Variants in PCMTD1 observed in about 807,000 individuals in gnomAD.
The protein encoded by PCMTD1 is protein-L-isoaspartate O-methyltransferase domain-containing protein 1.
Under a neutral mutation model 37.6 loss-of-function variants are expected in PCMTD1, and 12 were observed. The ratio of observed to expected loss-of-function variants is 0.32; its 90% CI spans 0.20 to 0.52. The LOEUF (loss-of-function observed/expected upper bound fraction) is 0.52, where lower values mean the gene tolerates loss of function less well. Among genes scored for constraint, PCMTD1 ranks in the 20% least tolerant of loss-of-function variants. The pLI, the probability that PCMTD1 is intolerant of heterozygous loss-of-function variation, is 0.97. For missense variants in PCMTD1, 235 were observed against 421.3 expected, an observed-to-expected ratio of 0.56 and a Z score of 3.87; for synonymous variants, 117 against 135.8, an observed-to-expected ratio of 0.86 and a Z score of 0.96.
chr8:51,873,675 T>TA (rs1373906138), intron 1 of PCMTD1, among the ~76,000 whole-genome samples: 2 of 152,096 alleles, frequency 1.3e-5, no homozygotes, highest in African/African-American at 4.8e-5. Context: ...TCTCCTGCGA[T>TA]ACGGTATTTT....
At chr8:51,837,376 T>C (rs1334906088) in intron 3 of PCMTD1, among the ~76,000 whole-genome samples, 1 of 152,104 alleles carries the variant, frequency 6.6e-6, no homozygotes, top group Non-Finnish European at 1.5e-5. Flanking sequence ...AAAAGGGATA[T>C]ACTATTACTA....
At chr8:51,854,315 C>A (rs898087334) in intron 2 of PCMTD1, among the ~76,000 whole-genome samples, 1 of 151,546 alleles carries the variant, frequency 6.6e-6, no homozygotes, top group East Asian at 1.9e-4. Context: ...GAGTTAGCAG[C>A]AATAAAAGAG....
chr8:51,849,193 T>C (rs1254318989), intron 2 of PCMTD1: 2 of 152,284 alleles, frequency 1.3e-5, no homozygotes, highest in East Asian at 1.9e-4. Context: ...TGTATAAAAT[T>C]TGTTTTAACC....
At chr8:51,826,660 CAA>C (rs1185033162) in intron 5 of PCMTD1, among the ~76,000 whole-genome samples, 2 of 152,050 alleles carry the variant, frequency 1.3e-5, no homozygotes, top group East Asian at 3.9e-4. Context: ...TTTTTGTTAA[CAA>C]AGATTGAAAA....
chr8:51,824,618 T>C (rs1379432937), intron 5 of PCMTD1, among the ~76,000 whole-genome samples: 1 of 152,234 alleles, frequency 6.6e-6, no homozygotes, highest in African/African-American at 2.4e-5. Context: ...ATGGCCATAC[T>C]GTCCATAGTA....
chr8:51,844,212 T>G (rs1015252669), intron 3 of PCMTD1, among the ~76,000 whole-genome samples: 3 of 152,230 alleles, frequency 2.0e-5, no homozygotes, highest in Non-Finnish European at 4.4e-5. Context: ...TAAAAACTTT[T>G]ATTTCTGCCA....
intron 2 of PCMTD1, among the ~76,000 whole-genome samples, chr8:51,848,245 C>A (rs1053928874): frequency 3.3e-5 from 5 of 149,886 alleles, no homozygotes; most frequent in African/African-American, 1.2e-4. Context: ...TATGTTCCTG[C>A]CACTACAATC....
intron 3 of PCMTD1, chr8:51,845,140 A>C (rs1368581934): frequency 6.5e-6 from 1 of 152,690 alleles, no homozygotes; most frequent in Non-Finnish European, 1.5e-5. Flanking sequence ...GAGGAGTTAT[A>C]TTGTGAGTTC....
In PCMTD1 at chr8:51,818,184, A is replaced by G. The variant is rs374636370; in HGVS notation, c.*2167T>C. 7,352 of 310,798 alleles carry G rather than the reference A, an allele frequency of 0.024. No individual in the cohort carries two copies. Among genetic ancestry groups the G allele is most frequent in the Non-Finnish European group, 0.035 (5,558 of 158,612 alleles). The allele number at this position is 310,798 out of a possible 1,614,324, so 19.3% of individuals were successfully genotyped here. On this transcript the variant is annotated 3_prime_UTR_variant, in exon 6 of 6. Coordinates refer to ENST00000522514, the MANE Select transcript of PCMTD1 (RefSeq NM_052937.4). ...GCTTTAATTTTCATTTTTCATTTCT[A>G]CCTCTTAAAGTCAATGATAAACTCA...
intron 1 of PCMTD1, among the ~76,000 whole-genome samples, chr8:51,896,847 G>C (rs1170892132): frequency 6.7e-6 from 1 of 149,344 alleles, no homozygotes; most frequent in Non-Finnish European, 1.5e-5. Flanking sequence ...ACAGGTTCTT[G>C]GATTAAGCAC....
At chr8:51,838,137 G>C (rs1027977854) in intron 3 of PCMTD1, among the ~76,000 whole-genome samples, 2 of 152,054 alleles carry the variant, frequency 1.3e-5, no homozygotes, top group African/African-American at 4.8e-5. Context: ...ATACCAATCA[G>C]GTTATAGAGT....
chr8:51,881,741 T>C (rs1316683337), intron 1 of PCMTD1, among the ~76,000 whole-genome samples: 22 of 152,174 alleles, frequency 1.4e-4, no homozygotes, highest in Admixed American at 1.4e-3. Context: ...AATTTAGAGC[T>C]GGGCTTAAAA....
intron 5 of PCMTD1, among the ~76,000 whole-genome samples, chr8:51,824,007 TA>T (rs374903773): frequency 5.9e-5 from 9 of 152,244 alleles, no homozygotes; most frequent in African/African-American, 2.2e-4. Context: ...CCCTTCATGC[TA>T]AAAAATCTCA....
At chr8:51,843,274 G>A (rs1253480002) in intron 3 of PCMTD1, among the ~76,000 whole-genome samples, 3 of 151,694 alleles carry the variant, frequency 2.0e-5, no homozygotes, top group Admixed American at 6.6e-5. Flanking sequence ...TTGTATATAA[G>A]CTACTTTATA....
intron 2 of PCMTD1, among the ~76,000 whole-genome samples, chr8:51,855,487 C>T (rs950771134): frequency 6.6e-6 from 1 of 150,748 alleles, no homozygotes; most frequent in South Asian, 2.1e-4. Context: ...GAGCTGCGAT[C>T]GTGTCACTGC....
chr8:51,822,962 T>C (rs1292693247), intron 5 of PCMTD1, among the ~76,000 whole-genome samples: 3 of 152,240 alleles, frequency 2.0e-5, no homozygotes, highest in Non-Finnish European at 4.4e-5. Context: ...GTAATTATGT[T>C]CTTCCTTTGC....
At chr8:51,847,562 G>A (rs1162658105) in intron 2 of PCMTD1, among the ~76,000 whole-genome samples, 1 of 152,102 alleles carries the variant, frequency 6.6e-6, no homozygotes, top group Non-Finnish European at 1.5e-5. Flanking sequence ...AGGAGACGGA[G>A]GTTGCACTGA....
intron 4 of PCMTD1, 87 bp from the exon 5 acceptor site, chr8:51,831,654 C>A: frequency 7.4e-7 from 1 of 1,352,690 alleles, no homozygotes; most frequent in Non-Finnish European, 9.9e-7. Flanking sequence ...TTTAAGGGAA[C>A]AACTGCCAGT....
chr8:51,874,850 T>C (rs1360502316), intron 1 of PCMTD1, among the ~76,000 whole-genome samples: 1 of 152,190 alleles, frequency 6.6e-6, no homozygotes, highest in East Asian at 1.9e-4. Flanking sequence ...TCAGGAACTA[T>C]AATAAGTATG....
Sources: allele counts gnomAD v4.1 joint callset (sites outside exome capture counted in the v4.1 genomes callset), GRCh38; gene constraint gnomAD v4.1.1; transcripts MANE v1.5; gene names NCBI Gene and HGNC (gene_info 2026-07-23, HGNC 2026-07-21).